The following BLOC1S5 variants were observed in gnomAD, a reference collection of about 807,000 sequenced individuals.
BLOC1S5 encodes biogenesis of lysosome-related organelles complex 1 subunit 5.
A neutral mutation model predicts 24.3 loss-of-function variants in BLOC1S5; 27 were observed. The observed-to-expected ratio is 1.11, with a 90% CI of 0.82 to 1.53. BLOC1S5 has a LOEUF of 1.53. Among genes scored for constraint, BLOC1S5 ranks in the 40% most tolerant of loss-of-function variants. The probability of loss-of-function intolerance (pLI) is 0.00; values close to 1 mark genes in which losing one functional copy is unlikely to be tolerated. For missense variants in BLOC1S5, 239 were observed against 229.4 expected, an observed-to-expected ratio of 1.04 and a Z score of -0.27; for synonymous variants, 84 against 74.5, an observed-to-expected ratio of 1.13 and a Z score of -0.66.
At chr6:8,026,685 C>T (rs1306690289) in intron 3 of BLOC1S5, among the ~76,000 whole-genome samples, 2 of 152,150 alleles carry the variant, frequency 1.3e-5, no homozygotes. Context: ...AATACTAACT[C>T]CAATGACAGA....
chr6:8,039,474 T>C (rs1763608190), intron 3 of BLOC1S5, among the ~76,000 whole-genome samples: 2 of 152,200 alleles, frequency 1.3e-5, no homozygotes, highest in Admixed American at 1.3e-4. Flanking sequence ...AAAGGACAAA[T>C]ATTTAAGGTG....
chr6:8,039,380 A>G (rs965418920), intron 3 of BLOC1S5, among the ~76,000 whole-genome samples: 4 of 152,220 alleles, frequency 2.6e-5, no homozygotes, highest in African/African-American at 9.6e-5. Flanking sequence ...TTGATATATC[A>G]GTAGGGTGAC....
At chr6:8,027,727 G>A (rs954692739) in intron 3 of BLOC1S5, among the ~76,000 whole-genome samples, 10 of 151,734 alleles carry the variant, frequency 6.6e-5, no homozygotes, top group African/African-American at 2.2e-4. Flanking sequence ...CCAGCTACTC[G>A]GGAGGCTGAG....
intron 3 of BLOC1S5, among the ~76,000 whole-genome samples, chr6:8,035,147 G>C (rs1322626707): frequency 6.6e-6 from 1 of 152,058 alleles, no homozygotes; most frequent in South Asian, 2.1e-4. Flanking sequence ...AAGCTATGAG[G>C]ACACAAAAGC....
At chr6:8,052,769 C>A (rs887957176) in intron 2 of BLOC1S5, among the ~76,000 whole-genome samples, 1 of 151,782 alleles carries the variant, frequency 6.6e-6, no homozygotes, top group Admixed American at 6.6e-5. Flanking sequence ...GTGGCGGGTG[C>A]CTGTAGTCTC....
intron 2 of BLOC1S5, among the ~76,000 whole-genome samples, chr6:8,047,142 C>CCTCTCTCTCTCT (rs761994219): frequency 0.075 from 7,554 of 100,894 alleles, 418 homozygotes; most frequent in Admixed American, 0.1. Context: ...AATAAGACCA[C>CCTCTCTCTCTCT]CTCTCTCTCT....
chr6:8,038,174 G>A (rs1332051404), intron 3 of BLOC1S5, among the ~76,000 whole-genome samples: 3 of 152,112 alleles, frequency 2.0e-5, no homozygotes, highest in Admixed American at 6.5e-5. Flanking sequence ...AAGCTAAAAC[G>A]CTTCCGTGAC....
At chr6:8,059,201 T>C (rs760114078) in intron 2 of BLOC1S5, among the ~76,000 whole-genome samples, 22 of 152,230 alleles carry the variant, frequency 1.4e-4, no homozygotes, top group Admixed American at 3.9e-4. Flanking sequence ...CTGTCCATAA[T>C]GTTCATTGGA....
intron 4 of BLOC1S5, among the ~76,000 whole-genome samples, chr6:8,023,579 G>A (rs1351830843): frequency 7.1e-6 from 1 of 141,458 alleles, no homozygotes; most frequent in African/African-American, 2.5e-5. Flanking sequence ...GACGGAGTGA[G>A]ACTCCATCTC....
chr6:8,015,833 G>A lies in BLOC1S5; in HGVS notation c.385-5C>T. 3 of 1,590,238 alleles carry A rather than the reference G, an allele frequency of 1.9e-6. No homozygotes were observed. Among genetic ancestry groups the A allele is most frequent in the Non-Finnish European group, 2.6e-6 (3 of 1,171,436 alleles). ...TACTAAGTGGTCACTATGAATCTGAGAAAAGAAAATTAGAAAGTCACACGA... is the reference window on the plus strand; with the variant it reads ...TACTAAGTGGTCACTATGAATCTGAAAAAAGAAAATTAGAAAGTCACACGA... On this transcript the variant is annotated splice_polypyrimidine_tract_variant and splice_region_variant and intron_variant, in intron 4 of 4. Transcript: ENST00000397457.
chr6:8,019,742 C>T (rs1266138790), intron 4 of BLOC1S5, among the ~76,000 whole-genome samples: 5 of 152,044 alleles, frequency 3.3e-5, no homozygotes, highest in East Asian at 1.9e-4. Context: ...GTCATGCAAA[C>T]GAAGAAGATG....
At chr6:8,049,143 G>A (rs1764017641) in intron 2 of BLOC1S5, among the ~76,000 whole-genome samples, 1 of 151,430 alleles carries the variant, frequency 6.6e-6, no homozygotes, top group Non-Finnish European at 1.5e-5. Flanking sequence ...GGCCGAGATG[G>A]GCAGATCACA....
intron 3 of BLOC1S5, among the ~76,000 whole-genome samples, chr6:8,033,116 G>A (rs1041404578): frequency 6.6e-6 from 1 of 152,056 alleles, no homozygotes; most frequent in Non-Finnish European, 1.5e-5. Flanking sequence ...TCACAGAACT[G>A]GAAAAAACTA....
intron 2 of BLOC1S5, among the ~76,000 whole-genome samples, chr6:8,047,207 A>C (rs1763937200): frequency 8.0e-6 from 1 of 125,108 alleles, no homozygotes; most frequent in Non-Finnish European, 1.6e-5. Flanking sequence ...CACAGTCAAC[A>C]GTAATTTTTT....
At chr6:8,062,692 TC>T in intron 1 of BLOC1S5, 76 bp from the exon 2 acceptor site, 1 of 958,014 alleles carries the variant, frequency 1.0e-6, no homozygotes, top group Non-Finnish European at 1.6e-6. Flanking sequence ...CTCTCTCCCT[TC>T]CCCACTAAGA....
chr6:8,041,588 A>G (rs1386873184), intron 2 of BLOC1S5, among the ~76,000 whole-genome samples: 3 of 150,268 alleles, frequency 2.0e-5, no homozygotes, highest in African/African-American at 7.4e-5. Context: ...CTGGGATTAT[A>G]ATCGTGAGCC....
intron 4 of BLOC1S5, chr6:8,017,808 CA>C (rs1438150443): frequency 6.6e-6 from 1 of 152,212 alleles, no homozygotes; most frequent in Non-Finnish European, 1.5e-5. Context: ...GTTGTAGATT[CA>C]AATTTAGGTC....
chr6:8,033,102 T>A (rs546073328), intron 3 of BLOC1S5, among the ~76,000 whole-genome samples: 10 of 152,312 alleles, frequency 6.6e-5, no homozygotes, highest in East Asian at 3.9e-4. Context: ...ACCAATGACC[T>A]TCTTCACAGA....
At chr6:8,037,211 C>T (rs749705164) in intron 3 of BLOC1S5, among the ~76,000 whole-genome samples, 4 of 152,152 alleles carry the variant, frequency 2.6e-5, no homozygotes, top group Non-Finnish European at 4.4e-5. Context: ...ATCACATGAT[C>T]TTATATTTAG....
Sources: allele counts gnomAD v4.1 joint callset (sites outside exome capture counted in the v4.1 genomes callset), GRCh38; gene constraint gnomAD v4.1.1; transcripts MANE v1.5; gene names NCBI Gene and HGNC (gene_info 2026-07-23, HGNC 2026-07-21).